CC2D2B: variants seen among roughly 807,000 people sequenced by gnomAD.
The protein encoded by CC2D2B is protein CC2D2B.
A neutral mutation model predicts 161.2 loss-of-function variants in CC2D2B; 128 were observed. That is an observed-to-expected ratio of 0.79 (90% CI 0.69 to 0.92). The LOEUF (loss-of-function observed/expected upper bound fraction) is 0.92. CC2D2B is among the 40% of genes least tolerant of loss of function. The pLI is 0.00. For missense variants in CC2D2B, 1,173 were observed against 1,375.1 expected (o/e 0.85, Z 2.32); for synonymous variants, 391 against 449.8 (o/e 0.87, Z 1.65).
At chr10:95,916,909 G>T (rs2098517347) in intron 2 of CC2D2B, among the ~76,000 whole-genome samples, 1 of 150,546 alleles carries the variant, frequency 6.6e-6, no homozygotes, top group African/African-American at 2.5e-5. Context: ...AGGTCCATTT[G>T]GTCTTTAGTG....
intron 14 of CC2D2B, among the ~76,000 whole-genome samples, chr10:95,968,439 C>A (rs1458823541): frequency 2.0e-5 from 3 of 152,156 alleles, no homozygotes; most frequent in Non-Finnish European, 2.9e-5. Context: ...GTGCTGTAAT[C>A]TCTTTAAATT....
At chr10:96,013,180 AAC>A (rs2141866656) in intron 28 of CC2D2B, among the ~76,000 whole-genome samples, 1 of 152,300 alleles carries the variant, frequency 6.6e-6, no homozygotes, top group Admixed American at 6.5e-5. Flanking sequence ...TTTCTACGTT[AAC>A]ACATTGTTTA....
chr10:95,981,065 A>G (rs2077499664), intron 17 of CC2D2B, among the ~76,000 whole-genome samples: 2 of 152,178 alleles, frequency 1.3e-5, no homozygotes, highest in Non-Finnish European at 2.9e-5. Context: ...ATATATTAGG[A>G]GTCTAGCCTA....
chr10:96,028,322 A>G (rs542208899), intron 34 of CC2D2B, among the ~76,000 whole-genome samples: 12 of 152,352 alleles, frequency 7.9e-5, no homozygotes, highest in African/African-American at 2.9e-4. Flanking sequence ...AAAGACTTGA[A>G]TAGACATTTT....
At chr10:95,926,854 G>GTGTGTGTGTC (rs2098540170) in intron 5 of CC2D2B, among the ~76,000 whole-genome samples, 1 of 149,002 alleles carries the variant, frequency 6.7e-6, no homozygotes, top group Non-Finnish European at 1.5e-5. Flanking sequence ...GTGTCTGTGT[G>GTGTGTGTGTC]TGTGTGTGTG....
chr10:95,951,715 A>C lies in CC2D2B; in HGVS notation c.1011+1610A>C, dbSNP rs548218958. ...AGAATCTTTAAAATCTGATTTAGCA[A>C]TATCAATTTTAGTTTATTAGAGTAC... On this transcript the variant is annotated intron_variant, in intron 10 of 34. Coordinates refer to ENST00000646931, the MANE Select transcript of CC2D2B (RefSeq NM_001349008.3). Among the ~76,000 whole-genome samples, 21 of 152,314 alleles carry C rather than the reference A, an allele frequency of 1.4e-4. No individual in the cohort carries two copies. In the East Asian group the frequency reaches 3.7e-3, roughly 27 times the overall value.
chr10:96,016,182 T>A lies in CC2D2B; in HGVS notation c.3517-19T>A. On this transcript the variant is annotated intron_variant, in intron 29 of 34. Coordinates refer to ENST00000646931, the MANE Select transcript of CC2D2B (RefSeq NM_001349008.3). ...CGCACTTTTCTTTTTTTGTTCCTAT[T>A]GCTTTTGTTTTGTCTTAGCACTGCA... The A allele has an allele frequency of 6.4e-7, 1 of 1,553,832 alleles. No homozygotes were observed. The highest frequency in any genetic ancestry group is 1.1e-5 in the South Asian group (1 of 89,200).
intron 9 of CC2D2B, among the ~76,000 whole-genome samples, chr10:95,942,287 C>T (rs2076049518): frequency 1.3e-5 from 2 of 152,028 alleles, no homozygotes; most frequent in African/African-American, 2.4e-5. Flanking sequence ...TAAACTTAAA[C>T]GAGGGTAGAT....
chr10:96,031,718 T>C, intron 34 of CC2D2B, 102 bp from the exon 35 acceptor site: 1 of 999,582 alleles, frequency 1.0e-6, no homozygotes, highest in Non-Finnish European at 1.5e-6. Flanking sequence ...TAGTATTTTA[T>C]GAGTACTATT....
At chr10:96,023,844 GTTC>G (rs1490830836) in intron 32 of CC2D2B, among the ~76,000 whole-genome samples, 4 of 152,212 alleles carry the variant, frequency 2.6e-5, no homozygotes. Context: ...TGATTCAGTA[GTTC>G]TCAGGTGAGG....
chr10:95,949,657 T>TA lies in CC2D2B; in HGVS notation c.802-228dup, dbSNP rs199910981. ...ATGTACCCTAAAACTTAGAGTATAA[T>TA]AAAAAAAAAAATTAAAAAAAAAAAT... On this transcript the variant is annotated intron_variant, in intron 9 of 34. Coordinates refer to ENST00000646931, the MANE Select transcript of CC2D2B (RefSeq NM_001349008.3). Among the ~76,000 whole-genome samples, 563 of 99,154 alleles carry TA rather than the reference T, an allele frequency of 5.7e-3. 3 individuals are homozygous for TA. The highest frequency in any genetic ancestry group is 8.6e-3 in the Non-Finnish European group (366 of 42,712). 65.0% of individuals were successfully genotyped at this position (99,154 alleles called of 152,430 possible).
At chr10:95,932,744 G>T (rs1481261134) in intron 6 of CC2D2B, among the ~76,000 whole-genome samples, 1 of 152,218 alleles carries the variant, frequency 6.6e-6, no homozygotes, top group East Asian at 1.9e-4. Context: ...TCTGCATAGA[G>T]ATCCACTGTT....
At chr10:95,917,720 C>CT (rs2098519167) in intron 2 of CC2D2B, among the ~76,000 whole-genome samples, 2 of 152,088 alleles carry the variant, frequency 1.3e-5, no homozygotes, top group African/African-American at 4.8e-5. Flanking sequence ...TGCTTTTTAA[C>CT]TTTTTGTTTC....
At chr10:95,979,326 A>G (rs1200348874) in intron 17 of CC2D2B, among the ~76,000 whole-genome samples, 1 of 151,990 alleles carries the variant, frequency 6.6e-6, no homozygotes, top group African/African-American at 2.4e-5. Context: ...CTGGGTTGCT[A>G]CTGGAGTCAT....
At chr10:95,959,449 C>G (rs186547186) in intron 11 of CC2D2B, among the ~76,000 whole-genome samples, 13 of 152,268 alleles carry the variant, frequency 8.5e-5, no homozygotes, top group African/African-American at 2.9e-4. Context: ...TTAATGATAA[C>G]TACTATTCTT....
chr10:95,927,337 G>C lies in CC2D2B; in HGVS notation c.336+5G>C. ...TTGGGCAAGTCTTCAGAGCAGGTTG[G>C]ATTTGTTTGCCTCCCTCCCACCATC... On this transcript the variant is annotated splice_donor_5th_base_variant and intron_variant, in intron 6 of 34. Coordinates refer to ENST00000646931, the MANE Select transcript of CC2D2B (RefSeq NM_001349008.3). 6.6e-7 allele frequency: 1 copy of C among 1,516,528 alleles called. No homozygotes were observed. The highest frequency in any genetic ancestry group is 9.0e-7 in the Non-Finnish European group (1 of 1,116,212). The allele number at this position is 1,516,528 out of a possible 1,614,324, so 93.9% of individuals were successfully genotyped here. A position where few individuals can be genotyped will look rare whatever the true frequency, so the allele number is the denominator to read the frequency against.
chr10:96,004,914 T>C (rs926902324), intron 25 of CC2D2B, among the ~76,000 whole-genome samples: 2 of 152,228 alleles, frequency 1.3e-5, no homozygotes, highest in Non-Finnish European at 2.9e-5. Flanking sequence ...TGGGGATCCA[T>C]GTCAGAGAAG....
intron 6 of CC2D2B, among the ~76,000 whole-genome samples, chr10:95,930,003 G>A (rs539569356): frequency 1.3e-5 from 2 of 152,096 alleles, no homozygotes; most frequent in Non-Finnish European, 2.9e-5. Context: ...CCATTTTCAC[G>A]ATATTGATTC....
At chr10:95,942,445 T>C (rs2076055511) in intron 9 of CC2D2B, among the ~76,000 whole-genome samples, 1 of 152,166 alleles carries the variant, frequency 6.6e-6, no homozygotes, top group Non-Finnish European at 1.5e-5. Context: ...TCTTAACCAT[T>C]CACTTATATA....
Sources: gnomAD v4.1 joint callset for allele counts (sites outside exome capture counted in the v4.1 genomes callset) on GRCh38, gnomAD v4.1.1 for gene constraint, MANE v1.5 for transcripts, NCBI Gene and HGNC (gene_info 2026-07-23, HGNC 2026-07-21) for gene names.